ZNF678: variants seen among roughly 807,000 people sequenced by gnomAD.
ZNF678 encodes the protein hypothetical protein MGC42493.
Under a neutral mutation model 3.0 loss-of-function variants are expected in ZNF678, and 5 were observed. That is an observed-to-expected ratio of 1.69 (90% confidence interval 0.88 to 3.56). The LOEUF is 3.56. Ranked by LOEUF, ZNF678 falls within the 30% of genes most tolerant of loss-of-function variation. The pLI, the probability that ZNF678 is intolerant of heterozygous loss-of-function variation, is 0.00. For missense variants in ZNF678, 593 were observed against 605.0 expected (o/e 0.98, Z 0.21); for synonymous variants, 218 against 199.6 (o/e 1.09, Z -0.78).
Position 227,670,972 on chromosome 1 carries a change from T to A in ZNF678, c.227-6207T>A, listed in dbSNP as rs542422461. Among the ~76,000 whole-genome samples, 813 of 151,824 alleles carry A rather than the reference T, an allele frequency of 5.4e-3. 10 individuals carry two copies. Among genetic ancestry groups the A allele is most frequent in the African/African-American group, 0.018 (746 of 41,308 alleles). Reference sequence around the variant, plus strand: ...TCCTTCATGTGAGGCCTTTTATTTTTTTTTTTTTTATGTCCAGCATTTTCA... The same window carrying A: ...TCCTTCATGTGAGGCCTTTTATTTTATTTTTTTTTATGTCCAGCATTTTCA... On this transcript the variant is annotated intron_variant, in intron 5 of 5. Coordinates refer to the ZNF678 transcript ENST00000608949.
intron 1 of ZNF678, among the ~76,000 whole-genome samples, chr1:227,622,777 C>T (rs1658311365): frequency 6.6e-6 from 1 of 152,180 alleles, no homozygotes; most frequent in African/African-American, 2.4e-5. Flanking sequence ...GCTGGTTTCC[C>T]TGGCAACCAG....
intron 1 of ZNF678, among the ~76,000 whole-genome samples, chr1:227,563,940 C>T (rs1000249805): frequency 2.0e-5 from 3 of 152,248 alleles, no homozygotes; most frequent in African/African-American, 7.2e-5. Context: ...CCGCGGGTCC[C>T]CCAGACTGTG....
At position 227,638,279 on chromosome 1, in the gene ZNF678, C is replaced by T. The variant is rs535561242; in HGVS notation, c.-163-8265C>T. Among the ~76,000 whole-genome samples the T allele has an allele frequency of 2.0e-5, 3 of 152,172 alleles. No homozygotes were observed. Among genetic ancestry groups the T allele is most frequent in the East Asian group, 3.9e-4 (2 of 5,186 alleles). ...AAATGGGTGGTATTGGAGGGAATTG[C>T]GGAAAGTGAAGTATATGGGTCAGGA... On this transcript the variant is annotated intron_variant, in intron 1 of 3. Coordinates refer to ENST00000343776, the MANE Select transcript of ZNF678 (RefSeq NM_001367909.1). This position sits in a 1 kb window ranked among gnomAD's most constrained non-coding sequence, Gnocchi z 4.2.
Position 227,591,810 on chromosome 1 carries a change from TA to T in ZNF678, c.-164+28087del, listed in dbSNP as rs1291751716. Among the ~76,000 whole-genome samples the T allele has an allele frequency of 2.0e-5, 3 of 152,224 alleles. No individual in the cohort carries two copies. The East Asian group carries it at 5.8e-4, about 29-fold the overall frequency. ...ATAGGACCATAGCAACCTTTTCTCC[TA>T]CCTCAGTGACTTGATGTATACACTG... On this transcript the variant is annotated intron_variant, in intron 1 of 3. Coordinates refer to ENST00000343776, the MANE Select transcript of ZNF678 (RefSeq NM_001367909.1).
At chr1:227,584,788 T>C (rs1657215758) in intron 1 of ZNF678, among the ~76,000 whole-genome samples, 1 of 152,204 alleles carries the variant, frequency 6.6e-6, no homozygotes, top group Admixed American at 6.5e-5. Context: ...CTGGTTAAAG[T>C]GACCAAACCA....
At chr1:227,644,054 G>A (rs1021948819) in intron 1 of ZNF678, among the ~76,000 whole-genome samples, 7 of 151,580 alleles carry the variant, frequency 4.6e-5, no homozygotes, top group African/African-American at 1.7e-4. Context: ...TAGTAGAGGC[G>A]GGGTTTCGCC....
intron 5 of ZNF678, among the ~76,000 whole-genome samples, chr1:227,668,616 G>A (rs570721442): frequency 1.2e-4 from 19 of 152,306 alleles, no homozygotes; most frequent in African/African-American, 3.1e-4. Context: ...TGTGGCTTAC[G>A]TAAGCCACTG....
chr1:227,651,897 A>G (rs1571915037), intron 3 of ZNF678, among the ~76,000 whole-genome samples: 1 of 152,210 alleles, frequency 6.6e-6, no homozygotes. Flanking sequence ...ACTTATGTCC[A>G]TAGATGACTG....
intron 1 of ZNF678, among the ~76,000 whole-genome samples, chr1:227,642,823 T>C (rs1165407869): frequency 6.6e-6 from 1 of 152,170 alleles, no homozygotes; most frequent in East Asian, 1.9e-4. Flanking sequence ...ATGAATCTTC[T>C]TGGTTGGTAC....
At chr1:227,575,063 G>T (rs1656953693) in intron 1 of ZNF678, among the ~76,000 whole-genome samples, 1 of 152,074 alleles carries the variant, frequency 6.6e-6, no homozygotes, top group Non-Finnish European at 1.5e-5. Flanking sequence ...AGTTGTAGGT[G>T]TGCAGCCTTA....
rs979270172 is a variant in ZNF678, at chr1:227,563,582, T to C, written c.-306T>C. 7 of 871,714 alleles carry C rather than the reference T, an allele frequency of 8.0e-6. No individual in the cohort carries two copies. In the East Asian group the frequency reaches 1.9e-4, roughly 23 times the overall value. The allele number at this position is 871,714 out of a possible 1,614,324, so 54.0% of individuals were successfully genotyped here. A position where few individuals can be genotyped will look rare whatever the true frequency, so the allele number is the denominator to read the frequency against. ...TTTGTCTTGTGCTCCAGCTGGAGCTTTGGTCCCGTATTCTCGGCTATTTAT... is the reference window on the plus strand; with the variant it reads ...TTTGTCTTGTGCTCCAGCTGGAGCTCTGGTCCCGTATTCTCGGCTATTTAT... On this transcript the variant is annotated 5_prime_UTR_variant, in exon 1 of 4. Transcript: ENST00000343776.
rs139888732 is a variant in ZNF678, at chr1:227,617,978, A to G, written c.-163-28566A>G. On this transcript the variant is annotated intron_variant, in intron 1 of 3. Transcript: ENST00000343776. ...ATGGTCTCTGGGAAGGAGGTTATGC[A>G]TGGACACAGCAGAATAAATGTCCGC... 7.9e-5 allele frequency among the ~76,000 whole-genome samples: 12 copies of G among 152,296 alleles called. No homozygotes were observed. The East Asian group carries it at 2.1e-3, about 27-fold the overall frequency.
At chr1:227,601,697 T>G (rs1657743591) in intron 1 of ZNF678, among the ~76,000 whole-genome samples, 1 of 152,068 alleles carries the variant, frequency 6.6e-6, no homozygotes, top group Non-Finnish European at 1.5e-5. Context: ...CCCGAGTAGC[T>G]GGGATTACAG....
chr1:227,649,268 G>A (rs1322076355), intron 2 of ZNF678, among the ~76,000 whole-genome samples: 2 of 152,074 alleles, frequency 1.3e-5, no homozygotes, highest in African/African-American at 2.4e-5. Flanking sequence ...TTTTCTAAGA[G>A]CCTTCATACT....
chr1:227,675,301 A>G (rs1471215888), intron 5 of ZNF678, among the ~76,000 whole-genome samples: 5 of 152,214 alleles, frequency 3.3e-5, no homozygotes, highest in Non-Finnish European at 7.3e-5. Context: ...AAGACAGCCC[A>G]GAAATAAACT....
intron 3 of ZNF678, among the ~76,000 whole-genome samples, chr1:227,651,660 C>T (rs1166083110): frequency 1.3e-5 from 2 of 152,246 alleles, no homozygotes; most frequent in Admixed American, 1.3e-4. Context: ...TGAAGGAAGA[C>T]TTGCTTTCTG....
downstream of ZNF678, among the ~76,000 whole-genome samples, chr1:227,679,278 C>CTT (rs1272359104): frequency 6.6e-6 from 1 of 152,098 alleles, no homozygotes; most frequent in Non-Finnish European, 1.5e-5. Context: ...CTCATATTGT[C>CTT]TTATGCCCAA....
intron 1 of ZNF678, among the ~76,000 whole-genome samples, chr1:227,601,246 T>C (rs941673504): frequency 3.3e-5 from 5 of 152,200 alleles, no homozygotes; most frequent in African/African-American, 9.6e-5. Context: ...ATTCAGTCTT[T>C]TTTAAAAAAA....
chr1:227,612,753 G>A (rs758726492), intron 1 of ZNF678, among the ~76,000 whole-genome samples: 1 of 152,080 alleles, frequency 6.6e-6, no homozygotes, highest in Non-Finnish European at 1.5e-5. Context: ...CTGTCTTTTG[G>A]TGACATAATT....
Sources: gnomAD v4.1 joint callset for allele counts (sites outside exome capture counted in the v4.1 genomes callset) on GRCh38, gnomAD v4.1.1 for gene constraint, Gnocchi (gnomAD v3.1) non-coding constraint, MANE v1.5 for transcripts, NCBI Gene and HGNC (gene_info 2026-07-23, HGNC 2026-07-21) for gene names.